IKBKE: variants seen among roughly 807,000 people sequenced by gnomAD.
IKBKE encodes inhibitor of nuclear factor kappa B kinase subunit epsilon.
A neutral mutation model predicts 92.1 loss-of-function variants in IKBKE; 45 were observed. The observed-to-expected ratio is 0.49, with a 90% CI of 0.38 to 0.63. The LOEUF (loss-of-function observed/expected upper bound fraction) is 0.63, where lower values mean the gene tolerates loss of function less well. IKBKE is among the 20% of genes least tolerant of loss of function. The pLI is 0.00. For missense variants in IKBKE, 700 were observed against 932.8 expected, an observed-to-expected ratio of 0.75 and a Z score of 3.25; for synonymous variants, 374 against 380.3, an observed-to-expected ratio of 0.98 and a Z score of 0.19.
intron 3 of IKBKE, 131 bp from the exon 4 acceptor site, chr1:206,474,200 C>T: frequency 1.2e-6 from 1 of 828,502 alleles, no homozygotes; most frequent in Non-Finnish European, 1.9e-6. Flanking sequence ...CCCATCCAAC[C>T]AGGCTAATCT....
In IKBKE at chr1:206,476,440, G is replaced by A; in HGVS notation, c.540+78G>A. On this transcript the variant is annotated intron_variant, in intron 6 of 21. Coordinates refer to ENST00000581977, the MANE Select transcript of IKBKE (RefSeq NM_014002.4). This position sits in a 1 kb window ranked among gnomAD's most constrained non-coding sequence, Gnocchi z 5.1. ...TGTGAGCCCCCCAGAGCCCCCATGA[G>A]GGGGTGTGGCCCACCTCCTGCTTCC... 6.8e-7 allele frequency: 1 copy of A among 1,466,158 alleles called. No individual in the cohort carries two copies. Among genetic ancestry groups the A allele is most frequent in the Non-Finnish European group, 9.3e-7 (1 of 1,069,576 alleles). 90.8% of individuals were successfully genotyped at this position (1,466,158 alleles called of 1,614,324 possible).
At chr1:206,477,048 T>C (rs1334416132) in intron 7 of IKBKE, among the ~76,000 whole-genome samples, 4 of 152,236 alleles carry the variant, frequency 2.6e-5, no homozygotes, top group African/African-American at 9.6e-5. Flanking sequence ...TCTGTGAATA[T>C]GCTCTATGTT....
chr1:206,471,958 T>G (rs1461422584), intron 2 of IKBKE, among the ~76,000 whole-genome samples: 2 of 152,188 alleles, frequency 1.3e-5, no homozygotes, highest in African/African-American at 4.8e-5. Flanking sequence ...TTAAAAGTAT[T>G]TAAGTGGCCA....
In IKBKE at chr1:206,476,173, G is replaced by A. The variant is rs1395369485; in HGVS notation, c.359-8G>A. 2.5e-6 allele frequency: 4 copies of A among 1,613,734 alleles called. No individual in the cohort carries two copies. The highest frequency in any genetic ancestry group is 3.4e-6 in the Non-Finnish European group (4 of 1,179,982). ...GAGCCAGCTAGTGGCCTCCCCGTCT[G>A]TCCCCAGTGGCCGGCATGAACCACC... On this transcript the variant is annotated splice_region_variant and splice_polypyrimidine_tract_variant and intron_variant, in intron 5 of 21. Transcript: ENST00000581977. This position sits in a 1 kb window ranked among gnomAD's most constrained non-coding sequence, Gnocchi z 5.1.
intron 18 of IKBKE, 88 bp downstream of exon 18, chr1:206,491,837 G>T: frequency 1.1e-6 from 1 of 908,778 alleles, no homozygotes; most frequent in Non-Finnish European, 1.8e-6. Context: ...GGAGCCCTGA[G>T]GCAGAGGGAG....
rs549114854 is a variant in IKBKE at position 206,482,394 on chromosome 1, G to A, written c.1427+1861G>A. Among the ~76,000 whole-genome samples the A allele has an allele frequency of 2.0e-5, 3 of 152,300 alleles. No homozygotes were observed. In the South Asian group the frequency reaches 6.2e-4, roughly 32 times the overall value. The stretch of plus-strand genomic sequence containing the variant: ...AAGATGTGTTTGGGAAAGCTTTTTG[G>A]GTGTCTGTCTGCCCACTTGCCCTGG... On this transcript the variant is annotated intron_variant, in intron 13 of 21. Coordinates refer to ENST00000581977, the MANE Select transcript of IKBKE (RefSeq NM_014002.4).
chr1:206,474,924 T>C lies in IKBKE; in HGVS notation c.288T>C (p.Ser96=). ...MEYCSSGSLL[S]VLESPENAFG... ...ACTGCTCCAGTGGGAGCCTGCTGAG[T>C]GTGCTGGAGAGCCCTGAGAATGCCT... The change falls in exon 5 of 22, where the codon AGT becomes AGC. Residue 96 remains serine, a synonymous_variant. Coordinates refer to ENST00000581977, the MANE Select transcript of IKBKE (RefSeq NM_014002.4). The C allele has an allele frequency of 1.2e-6, 2 of 1,613,992 alleles. No individual in the cohort carries two copies. The highest frequency in any genetic ancestry group is 1.7e-6 in the Non-Finnish European group (2 of 1,179,980).
rs149198756 is a variant in IKBKE at position 206,486,528 on chromosome 1, CA to C, written c.1616+1223del. ...GGATGAAGGCTGAGGATCAAGGCCC[CA>C]TCCTTTTGGATGAAGGCTGCAGATC... On this transcript the variant is annotated intron_variant, in intron 15 of 21. Transcript: ENST00000581977. Among the ~76,000 whole-genome samples the C allele has an allele frequency of 8.9e-4, 132 of 147,840 alleles. 1 individual carries two copies. The East Asian group carries it at 0.015, about 16-fold the overall frequency.
intron 18 of IKBKE, chr1:206,492,457 T>C (rs183944608): frequency 2.1e-6 from 1 of 471,342 alleles, no homozygotes. Context: ...GCCTGCTTCT[T>C]CTACTCCAAC....
rs782213455 is a variant in IKBKE, at chr1:206,485,389, C to T, written c.1616+83C>T. Reference sequence around the variant, plus strand: ...GTCCAGTAACCTTTAGCCTTTTAGACGTCAGCTTGCATTCCCCTTTCTCTT... The same window carrying T: ...GTCCAGTAACCTTTAGCCTTTTAGATGTCAGCTTGCATTCCCCTTTCTCTT... On this transcript the variant is annotated intron_variant, in intron 15 of 21. Coordinates refer to ENST00000581977, the MANE Select transcript of IKBKE (RefSeq NM_014002.4). This position sits in a 1 kb window ranked among gnomAD's most constrained non-coding sequence, Gnocchi z 5.0. 67 of 796,758 alleles carry T rather than the reference C, an allele frequency of 8.4e-5. No homozygotes were observed. Among genetic ancestry groups the T allele is most frequent in the Admixed American group, 2.2e-4 (11 of 49,754 alleles). The allele number at this position is 796,758 out of a possible 1,614,324, so 49.4% of individuals were successfully genotyped here.
intron 13 of IKBKE, among the ~76,000 whole-genome samples, chr1:206,482,258 G>A (rs1665442460): frequency 6.6e-6 from 1 of 152,186 alleles, no homozygotes. Flanking sequence ...CAGAGGTGGA[G>A]GTGAGGAGGG....
At position 206,485,292 on chromosome 1, in the gene IKBKE, A is replaced by C. The variant is rs782212694; in HGVS notation, c.1602A>C (p.Val534=). The C allele has an allele frequency of 3.7e-6, 6 of 1,606,702 alleles. No individual in the cohort carries two copies. The highest frequency in any genetic ancestry group is 5.1e-6 in the Non-Finnish European group (6 of 1,173,132). Residue 534 remains valine (V), a synonymous_variant, in exon 15 of 22, where the codon GTA becomes GTC. Coordinates refer to ENST00000581977, the MANE Select transcript of IKBKE (RefSeq NM_014002.4). This position sits in a 1 kb window ranked among gnomAD's most constrained non-coding sequence, Gnocchi z 5.0. Reference sequence around the variant, plus strand: ...AGCTGGTGAAGAGCCGGGATCAGGTACATGAGGACAGAAGGTCTGTGGGAT... The same window carrying C: ...AGCTGGTGAAGAGCCGGGATCAGGTCCATGAGGACAGAAGGTCTGTGGGAT... ...NRELVKSRDQ[V]HEDRSIQQIQ...
intron 13 of IKBKE, among the ~76,000 whole-genome samples, chr1:206,483,231 A>G (rs1014765983): frequency 6.6e-6 from 1 of 152,230 alleles, no homozygotes; most frequent in Non-Finnish European, 1.5e-5. Context: ...TCCTCGTTTT[A>G]TAGGTGAAGA....
intron 10 of IKBKE, 64 bp downstream of exon 10, chr1:206,479,197 G>T: frequency 7.5e-7 from 1 of 1,336,250 alleles, no homozygotes; most frequent in African/African-American, 1.5e-5. Context: ...ACAGGAGTTT[G>T]CAATCCAGGC....
rs1666231304 is a variant in IKBKE at position 206,496,200 on chromosome 1, C to G, written c.*55C>G. 4 of 1,469,334 alleles carry G rather than the reference C, an allele frequency of 2.7e-6. No individual in the cohort carries two copies. Among genetic ancestry groups the G allele is most frequent in the Admixed American group, 3.3e-5 (2 of 59,786 alleles). 91.0% of individuals were successfully genotyped at this position (1,469,334 alleles called of 1,614,324 possible). ...GCATTAGAATGATTCCAACACTGCT[C>G]TTCTGCACCATGAGACCAACCCAGG... is the stretch of plus-strand genomic sequence containing the variant. On this transcript the variant is annotated 3_prime_UTR_variant, in exon 22 of 22. Transcript: ENST00000581977.
intron 16 of IKBKE, among the ~76,000 whole-genome samples, chr1:206,489,345 ATGTGTG>A (rs1312395366): frequency 4.2e-5 from 5 of 119,756 alleles, no homozygotes. Context: ...ATGTGTGTAT[ATGTGTG>A]TGTGTGTGTG....
intron 2 of IKBKE, among the ~76,000 whole-genome samples, chr1:206,472,329 C>A (rs1664819907): frequency 6.6e-6 from 1 of 152,072 alleles, no homozygotes; most frequent in Non-Finnish European, 1.5e-5. Context: ...CCAGGTATCC[C>A]AAAAAGGCCA....
rs868975539 is a variant in IKBKE at position 206,494,595 on chromosome 1, T to C, written c.2117+604T>C. On this transcript the variant is annotated intron_variant, in intron 21 of 21. Coordinates refer to ENST00000581977, the MANE Select transcript of IKBKE (RefSeq NM_014002.4). ...TGCATACCAGTAAAAGTTCTTTCTT[T>C]TTTTTTTTTTTTTTTTTTTTTTTTT... Among the ~76,000 whole-genome samples the C allele has an allele frequency of 2.1e-3, 217 of 103,804 alleles. 1 individual carries two copies. The highest frequency in any genetic ancestry group is 3.0e-3 in the Non-Finnish European group (163 of 53,894). The allele number at this position is 103,804 out of a possible 152,430, so 68.1% of individuals were successfully genotyped here. A position where few individuals can be genotyped will look rare whatever the true frequency, so the allele number is the denominator to read the frequency against.
At chr1:206,494,391 A>C (rs2103487265) in intron 21 of IKBKE, among the ~76,000 whole-genome samples, 1 of 152,146 alleles carries the variant, frequency 6.6e-6, no homozygotes, top group South Asian at 2.1e-4. Flanking sequence ...CTTGGATACG[A>C]TGCCCAAGGC....
Sources: gnomAD v4.1 joint callset for allele counts (sites outside exome capture counted in the v4.1 genomes callset) on GRCh38, gnomAD v4.1.1 for gene constraint, Gnocchi (gnomAD v3.1) non-coding constraint, MANE v1.5 for transcripts, NCBI Gene and HGNC (gene_info 2026-07-23, HGNC 2026-07-21) for gene names.